Variants in CMSS1 observed in about 807,000 individuals in gnomAD.
CMSS1 encodes cms1 ribosomal small subunit homolog.
In CMSS1, 33 loss-of-function variants were observed where a neutral mutation model predicts 43.5. The ratio of observed to expected loss-of-function variants is 0.76; its 90% CI spans 0.57 to 1.01. CMSS1 has a LOEUF of 1.01. Among genes scored for constraint, CMSS1 ranks in the 50% least tolerant of loss-of-function variants. The pLI, the probability that CMSS1 is intolerant of heterozygous loss-of-function variation, is 0.00. For missense variants in CMSS1, 313 were observed against 326.4 expected, an observed-to-expected ratio of 0.96 and a Z score of 0.32; for synonymous variants, 115 against 117.2, an observed-to-expected ratio of 0.98 and a Z score of 0.12.
intron 1 of CMSS1, among the ~76,000 whole-genome samples, chr3:99,839,051 C>A (rs1432876072): frequency 6.6e-6 from 1 of 152,120 alleles, no homozygotes; most frequent in South Asian, 2.1e-4. Context: ...GCCCCCACAC[C>A]TTTACCTTGT....
chr3:99,885,467 G>A (rs927449285), intron 1 of CMSS1, among the ~76,000 whole-genome samples: 5 of 152,000 alleles, frequency 3.3e-5, no homozygotes, highest in Non-Finnish European at 5.9e-5. Context: ...TTTTATTGTC[G>A]TGCCCTTTTT....
chr3:100,087,006 A>G (rs1041652777), intron 1 of CMSS1, among the ~76,000 whole-genome samples: 4 of 152,214 alleles, frequency 2.6e-5, no homozygotes, highest in Admixed American at 2.6e-4. Flanking sequence ...TTGAGATACT[A>G]TCCAAATTGT....
chr3:99,872,973 A>T (rs1350274059), intron 1 of CMSS1, among the ~76,000 whole-genome samples: 2 of 152,010 alleles, frequency 1.3e-5, no homozygotes, highest in Admixed American at 6.6e-5. Flanking sequence ...TGTTGGTGAT[A>T]ATCTGCTAGG....
intron 1 of CMSS1, among the ~76,000 whole-genome samples, chr3:99,894,846 G>A (rs971411813): frequency 7.2e-5 from 11 of 152,188 alleles, no homozygotes; most frequent in African/African-American, 2.7e-4. Context: ...ACAGTACGGA[G>A]TAGAGAACAA....
intron 1 of CMSS1, among the ~76,000 whole-genome samples, chr3:100,129,977 T>G (rs532477441): frequency 6.6e-6 from 1 of 152,192 alleles, no homozygotes; most frequent in Non-Finnish European, 1.5e-5. Flanking sequence ...CTGAAATGAC[T>G]CTGTATATAT....
chr3:99,925,359 G>C (rs1272319513), intron 1 of CMSS1, among the ~76,000 whole-genome samples: 2 of 152,132 alleles, frequency 1.3e-5, no homozygotes, highest in Admixed American at 1.3e-4. Flanking sequence ...TCCCCTGCTA[G>C]ACTGTGAACT....
At chr3:99,883,423 A>C (rs1576545968) in intron 1 of CMSS1, among the ~76,000 whole-genome samples, 1 of 152,230 alleles carries the variant, frequency 6.6e-6, no homozygotes, top group East Asian at 1.9e-4. Flanking sequence ...CCCTGTGTCC[A>C]AAAGGTTGGT....
Position 100,116,114 on chromosome 3 carries a change from G to A in CMSS1, c.65-30859G>A, listed in dbSNP as rs140660512. Among the ~76,000 whole-genome samples the A allele has an allele frequency of 4.9e-3, 749 of 152,276 alleles. 1 individual carries two copies. The highest frequency in any genetic ancestry group is 7.5e-3 in the Non-Finnish European group (511 of 68,024). On this transcript the variant is annotated intron_variant, in intron 1 of 9. Coordinates refer to ENST00000421999, the MANE Select transcript of CMSS1 (RefSeq NM_032359.4). ...TAATCATATCAGGAGTCACATAAAC[G>A]GAGTTAGTCTTGTAACCAAACCCAC...
rs115443123 is a variant in CMSS1, at chr3:99,996,894, A to G, written c.65-150079A>G. Among the ~76,000 whole-genome samples, 836 of 152,242 alleles carry G rather than the reference A, an allele frequency of 5.5e-3. 6 individuals are homozygous for G. Among genetic ancestry groups the G allele is most frequent in the African/African-American group, 0.019 (789 of 41,532 alleles). The stretch of plus-strand genomic sequence containing the variant: ...ATTTGGGTGGGGACACAGCCAAACC[A>G]TATCACTGGGTCAATGAAGAAATTA... On this transcript the variant is annotated intron_variant, in intron 1 of 9. Coordinates refer to ENST00000421999, the MANE Select transcript of CMSS1 (RefSeq NM_032359.4).
At chr3:100,138,279 T>A (rs2066772449) in intron 1 of CMSS1, among the ~76,000 whole-genome samples, 1 of 152,196 alleles carries the variant, frequency 6.6e-6, no homozygotes, top group African/African-American at 2.4e-5. Context: ...GACATAGGCA[T>A]GGGCAAAGAC....
intron 1 of CMSS1, among the ~76,000 whole-genome samples, chr3:99,991,589 C>A (rs1709510907): frequency 6.6e-6 from 1 of 151,948 alleles, no homozygotes; most frequent in Non-Finnish European, 1.5e-5. Flanking sequence ...AATTTTTCAA[C>A]CCTCACCCCC....
Position 100,167,824 on chromosome 3 carries a change from G to T in CMSS1, c.502G>T (p.Ala168Ser). The T allele has an allele frequency of 6.2e-7, 1 of 1,611,358 alleles. No homozygotes were observed. The highest frequency in any genetic ancestry group is 8.5e-7 in the Non-Finnish European group (1 of 1,178,698). Residue 168 changes from alanine to serine, a missense_variant, in exon 6 of 10, where the codon GCC becomes TCC. Coordinates refer to ENST00000421999, the MANE Select transcript of CMSS1 (RefSeq NM_032359.4). ...MLIICSSAVR[A>S]LELIRSMTAF... The stretch of plus-strand genomic sequence containing the variant: ...GATCATCTGCAGCTCGGCCGTCCGA[G>T]CCCTGGAGCTCATTAGGTTGGAAGG...
At chr3:99,931,308 C>T (rs1414595321) in intron 1 of CMSS1, among the ~76,000 whole-genome samples, 1 of 152,136 alleles carries the variant, frequency 6.6e-6, no homozygotes, top group Admixed American at 6.6e-5. Context: ...ACTTCATCCC[C>T]CAAGCATTCC....
Position 99,817,924 on chromosome 3 carries a change from C to G in CMSS1, c.-56C>G. 6.3e-7 allele frequency: 1 copy of G among 1,578,166 alleles called. No individual in the cohort carries two copies. Among genetic ancestry groups the G allele is most frequent in the Non-Finnish European group, 8.7e-7 (1 of 1,148,838 alleles). On this transcript the variant is annotated 5_prime_UTR_variant, in exon 1 of 10. Transcript: ENST00000421999. ...CGCCTGGCTTTGAGACAACGTGATT[C>G]TCCGCAGCTGGTCGCCTACCCGTGA... is the stretch of plus-strand genomic sequence containing the variant.
intron 1 of CMSS1, among the ~76,000 whole-genome samples, chr3:100,123,561 G>A (rs1159500169): frequency 6.6e-6 from 1 of 152,208 alleles, no homozygotes; most frequent in African/African-American, 2.4e-5. Context: ...AAGGGTCGAA[G>A]TGGTTGCTGG....
intron 1 of CMSS1, among the ~76,000 whole-genome samples, chr3:99,924,040 C>T (rs1054229130): frequency 6.6e-6 from 1 of 152,214 alleles, no homozygotes; most frequent in Non-Finnish European, 1.5e-5. Context: ...TTCCACAGTC[C>T]TTATCACACA....
chr3:100,061,763 A>G (rs562445421), intron 1 of CMSS1, among the ~76,000 whole-genome samples: 77 of 152,366 alleles, frequency 5.1e-4, no homozygotes, highest in South Asian at 6.2e-4. Flanking sequence ...TGAAGCACAG[A>G]GAAGGTAATG....
intron 1 of CMSS1, among the ~76,000 whole-genome samples, chr3:99,914,979 G>A (rs1290314644): frequency 6.6e-6 from 1 of 152,194 alleles, no homozygotes; most frequent in Non-Finnish European, 1.5e-5. Context: ...TGTATGAATT[G>A]AGTGAGTTGT....
At chr3:99,829,414 G>T (rs1457862999) in intron 1 of CMSS1, among the ~76,000 whole-genome samples, 1 of 152,178 alleles carries the variant, frequency 6.6e-6, no homozygotes, top group African/African-American at 2.4e-5. Context: ...TCTGCCAGGG[G>T]ACTGTGTCTA....
Sources: gnomAD v4.1 joint callset for allele counts (sites outside exome capture counted in the v4.1 genomes callset) on GRCh38, gnomAD v4.1.1 for gene constraint, MANE v1.5 for transcripts, NCBI Gene and HGNC (gene_info 2026-07-23, HGNC 2026-07-21) for gene names.